PRAG1: variants seen among roughly 807,000 people sequenced by gnomAD.
PRAG1 encodes the protein PEAK1 related, kinase-activating pseudokinase 1, also known as inactive tyrosine-protein kinase PRAG1.
A neutral mutation model predicts 95.6 loss-of-function variants in PRAG1; 110 were observed. That is an observed-to-expected ratio of 1.15 (90% confidence interval 0.99 to 1.35). The LOEUF is 1.35. Among genes scored for constraint, PRAG1 ranks in the 40% most tolerant of loss-of-function variants. The probability of loss-of-function intolerance (pLI) is 0.00; values close to 1 mark genes in which losing one functional copy is unlikely to be tolerated. For synonymous variants in PRAG1, 1,052 were observed against 819.4 expected (o/e 1.28, Z -4.85); for missense variants, 2,554 against 1,864.7 (o/e 1.37, Z -6.81).
chr8:8,321,707 C>T (rs867438340), intron 5 of PRAG1, among the ~76,000 whole-genome samples: 2 of 152,040 alleles, frequency 1.3e-5, no homozygotes, highest in South Asian at 2.1e-4. Context: ...ACTATACAAC[C>T]GAGAAGTGTT....
chr8:8,376,404 T>G lies in PRAG1; in HGVS notation c.2005A>C (p.Thr669Pro). Residue 669 changes from threonine to proline, a missense_variant, in exon 3 of 6, where the codon ACG becomes CCG. By Grantham distance (38) the Thr-to-Pro change is conservative (BLOSUM62 -1). Coordinates refer to ENST00000615670, the MANE Select transcript of PRAG1 (RefSeq NM_001080826.3). ...KNGPTDHSNS[T>P]TWHRLHPTDG... ...GTGGGGTGGAGACGGTGCCAGGTCG[T>G]GGAGTTTGAATGGTCCGTGGGGCCA... 4 of 1,614,178 alleles carry G rather than the reference T, an allele frequency of 2.5e-6. No homozygotes were observed. The highest frequency in any genetic ancestry group is 2.5e-6 in the Non-Finnish European group (3 of 1,180,032).
At position 8,318,818 on chromosome 8, in the gene PRAG1, G is replaced by T. The variant is rs1410852657; in HGVS notation, c.3557C>A (p.Pro1186Gln). The T allele has an allele frequency of 1.4e-6, 2 of 1,454,790 alleles. No individual in the cohort carries two copies. The highest frequency in any genetic ancestry group is 1.8e-6 in the Non-Finnish European group (2 of 1,101,920). 90.1% of individuals were successfully genotyped at this position (1,454,790 alleles called of 1,614,324 possible). The change falls in exon 6 of 6, where the codon CCG becomes CAG. Residue 1186 changes from proline (P) to glutamine (Q), a missense_variant. Physicochemically the swap from Pro to Gln is moderately conservative, Grantham distance 76. Coordinates refer to ENST00000615670, the MANE Select transcript of PRAG1 (RefSeq NM_001080826.3). This position sits in a 1 kb window ranked among gnomAD's most constrained non-coding sequence, Gnocchi z 4.2. ...GGGGCTGAGAGTGCCACCAGCAGGC[G>T]GGGCGGCAGAGGAGCAGGGAGGCGC... ...AAAPPCSSAA[P>Q]PAGGTLSPAA...
At chr8:8,361,050 G>T (rs900708197) in intron 3 of PRAG1, among the ~76,000 whole-genome samples, 1 of 152,082 alleles carries the variant, frequency 6.6e-6, no homozygotes, top group Non-Finnish European at 1.5e-5. Flanking sequence ...ATAACTGAGG[G>T]CCTAAAAAGT....
At chr8:8,363,161 A>G (rs946784001) in intron 3 of PRAG1, among the ~76,000 whole-genome samples, 1 of 150,892 alleles carries the variant, frequency 6.6e-6, no homozygotes, top group East Asian at 1.9e-4. Flanking sequence ...AAGGTTTAAC[A>G]AAGAGTTATT....
chr8:8,351,636 A>G (rs1170077648), intron 3 of PRAG1, among the ~76,000 whole-genome samples: 2 of 152,256 alleles, frequency 1.3e-5, no homozygotes, highest in East Asian at 3.8e-4. Flanking sequence ...TGTGTGTTCA[A>G]GAACTAGATA....
intron 2 of PRAG1, among the ~76,000 whole-genome samples, chr8:8,380,383 G>T (rs942592449): frequency 3.3e-5 from 5 of 152,120 alleles, no homozygotes; most frequent in African/African-American, 1.2e-4. Flanking sequence ...TGGATCACTT[G>T]AGGTCAGGAG....
intron 3 of PRAG1, among the ~76,000 whole-genome samples, chr8:8,361,623 G>C (rs753099782): frequency 6.6e-5 from 10 of 152,192 alleles, no homozygotes; most frequent in African/African-American, 1.7e-4. Context: ...TTCTTCTTGT[G>C]ATGCAGGAAA....
At chr8:8,373,144 T>C (rs1194229279) in intron 3 of PRAG1, among the ~76,000 whole-genome samples, 3 of 152,148 alleles carry the variant, frequency 2.0e-5, no homozygotes, top group Non-Finnish European at 4.4e-5. Flanking sequence ...GTACTGGAAT[T>C]GGTGCCGGAT....
At chr8:8,359,659 A>T (rs1055269090) in intron 3 of PRAG1, among the ~76,000 whole-genome samples, 1 of 152,202 alleles carries the variant, frequency 6.6e-6, no homozygotes, top group East Asian at 1.9e-4. Context: ...TTCCTTATAA[A>T]GGAATACGGT....
At chr8:8,382,965 A>G (rs545842877) in intron 1 of PRAG1, among the ~76,000 whole-genome samples, 2 of 152,332 alleles carry the variant, frequency 1.3e-5, no homozygotes, top group East Asian at 3.9e-4. Context: ...TATTTAAAAT[A>G]AACTGACTTC....
Position 8,318,897 on chromosome 8 carries a change from C to T in PRAG1, c.3478G>A (p.Ala1160Thr), listed in dbSNP as rs201842155. 791 of 1,571,830 alleles carry T rather than the reference C, an allele frequency of 5.0e-4. 7 individuals are homozygous for T. In the East Asian group the frequency reaches 0.018, roughly 35 times the overall value. ...NLLLVHCTLQ[A>T]GPGPAPAPAP... ...GGGGCGGGGGCGGGCCCGGGGCCGG[C>T]CTGGAGGGTGCAGTGCACCAGCAGC... Residue 1160 changes from alanine to threonine, a missense_variant, in exon 6 of 6, where the codon GCC becomes ACC. Ala to Thr is a moderately conservative substitution (Grantham distance 58, BLOSUM62 0). Coordinates refer to ENST00000615670, the MANE Select transcript of PRAG1 (RefSeq NM_001080826.3). This position sits in a 1 kb window ranked among gnomAD's most constrained non-coding sequence, Gnocchi z 4.2.
At chr8:8,360,294 C>T (rs1207105879) in intron 3 of PRAG1, among the ~76,000 whole-genome samples, 1 of 152,160 alleles carries the variant, frequency 6.6e-6, no homozygotes, top group East Asian at 1.9e-4. Flanking sequence ...CTTCCAAGCC[C>T]AGGGCCCCTT....
In PRAG1 at chr8:8,376,437, T is replaced by C; in HGVS notation, c.1972A>G (p.Thr658Ala). The C allele has an allele frequency of 6.2e-7, 1 of 1,614,076 alleles. No homozygotes were observed. The highest frequency in any genetic ancestry group is 8.5e-7 in the Non-Finnish European group (1 of 1,180,012). The change falls in exon 3 of 6, where the codon ACC becomes GCC. Residue 658 changes from threonine (T) to alanine (A), a missense_variant. Physicochemically the swap from Thr to Ala is moderately conservative, Grantham distance 58. Transcript: ENST00000615670. ...ELLSHSWGRE[T>A]KNGPTDHSNS... ...GAATGGTCCGTGGGGCCATTTTTGG[T>C]CTCTCTTCCCCAGCTGTGACTCAGC...
At chr8:8,369,216 G>A (rs1037052772) in intron 3 of PRAG1, among the ~76,000 whole-genome samples, 1 of 150,460 alleles carries the variant, frequency 6.6e-6, no homozygotes, top group African/African-American at 2.5e-5. Flanking sequence ...AGAAAATTCA[G>A]TAATTCTCCA....
Position 8,327,892 on chromosome 8 carries a change from C to A in PRAG1, c.2890G>T (p.Ala964Ser), listed in dbSNP as rs758074437. 5 of 1,614,090 alleles carry A rather than the reference C, an allele frequency of 3.1e-6. No individual in the cohort carries two copies. The highest frequency in any genetic ancestry group is 4.2e-6 in the Non-Finnish European group (5 of 1,180,032). The part of the protein sequence containing the change: ...KLGGLYTQSL[A>S]RLVAKCEDLF... ...TCCTCACATTTGGCTACAAGGCGGG[C>A]CAGGGACTGGGTGTAGAGTCCCCCC... is the stretch of plus-strand genomic sequence containing the variant. The change falls in exon 5 of 6, where the codon GCC becomes TCC. Residue 964 changes from alanine (A) to serine (S), a missense_variant. Physicochemically the swap from Ala to Ser is moderately conservative, Grantham distance 99 (BLOSUM62 1). Coordinates refer to ENST00000615670, the MANE Select transcript of PRAG1 (RefSeq NM_001080826.3).
At chr8:8,339,098 AAGAGAGAG>A (rs376138322) in intron 4 of PRAG1, among the ~76,000 whole-genome samples, 3 of 149,362 alleles carry the variant, frequency 2.0e-5, no homozygotes, top group African/African-American at 4.9e-5. Context: ...GTAGATGCAA[AAGAGAGAG>A]AGAGAGAGAG....
chr8:8,323,480 A>T (rs559011573), intron 5 of PRAG1, among the ~76,000 whole-genome samples: 2 of 152,012 alleles, frequency 1.3e-5, no homozygotes, highest in Middle Eastern at 3.4e-3. Flanking sequence ...ACCACACCTG[A>T]CTAATTTTTG....
At chr8:8,374,665 C>G in intron 3 of PRAG1, 1 of 985,414 alleles carries the variant, frequency 1.0e-6, no homozygotes, top group Non-Finnish European at 1.2e-6. Context: ...TGCTGAATCT[C>G]TCATTCATTC....
chr8:8,327,118 C>A (rs570644756), intron 5 of PRAG1, among the ~76,000 whole-genome samples: 1 of 152,152 alleles, frequency 6.6e-6, no homozygotes. Flanking sequence ...CAATAAAAAC[C>A]TGGTCAATAA....
Sources: gnomAD v4.1 joint callset for allele counts (sites outside exome capture counted in the v4.1 genomes callset) on GRCh38, gnomAD v4.1.1 for gene constraint, Gnocchi (gnomAD v3.1) non-coding constraint, MANE v1.5 for transcripts, NCBI Gene and HGNC (gene_info 2026-07-23, HGNC 2026-07-21) for gene names.